The following DMGDH variants were observed in gnomAD, a reference collection of about 807,000 sequenced individuals.
DMGDH encodes the protein dimethylglycine dehydrogenase.
Under a neutral mutation model 95.2 loss-of-function variants are expected in DMGDH, and 76 were observed. The observed-to-expected ratio is 0.80, with a 90% CI of 0.66 to 0.97. The LOEUF is 0.97. Ranked by LOEUF, DMGDH falls within the 50% of genes least tolerant of loss-of-function variation. DMGDH has a pLI of 0.00. For synonymous variants in DMGDH, 345 were observed against 377.6 expected (o/e 0.91, Z 1.00); for missense variants, 987 against 1,055.0 (o/e 0.94, Z 0.89).
intron 9 of DMGDH, among the ~76,000 whole-genome samples, chr5:79,032,355 C>A (rs974957024): frequency 6.6e-6 from 1 of 152,172 alleles, no homozygotes; most frequent in Non-Finnish European, 1.5e-5. Flanking sequence ...CACTGAGCAC[C>A]CTAAAGTACA....
intron 2 of DMGDH, among the ~76,000 whole-genome samples, chr5:79,063,142 G>C (rs1477650835): frequency 6.6e-6 from 1 of 151,512 alleles, no homozygotes; most frequent in Non-Finnish European, 1.5e-5. Context: ...GTAAATAAAA[G>C]GACCACCAAA....
At chr5:79,062,400 A>G (rs1453142497) in intron 2 of DMGDH, among the ~76,000 whole-genome samples, 1 of 149,354 alleles carries the variant, frequency 6.7e-6, no homozygotes, top group Non-Finnish European at 1.5e-5. Flanking sequence ...TCTCCACCCT[A>G]TACTTTGAGC....
intron 2 of DMGDH, among the ~76,000 whole-genome samples, chr5:79,058,644 C>G (rs187241545): frequency 9.1e-4 from 139 of 152,172 alleles, no homozygotes; most frequent in African/African-American, 3.2e-3. Flanking sequence ...GTGATTGTAG[C>G]TGGTAGAGAA....
intron 11 of DMGDH, 84 bp downstream of exon 11, chr5:79,029,820 G>T: frequency 1.5e-6 from 2 of 1,359,454 alleles, no homozygotes; most frequent in South Asian, 1.3e-5. Flanking sequence ...TTGTACTTTC[G>T]AGTACTGGTA....
At chr5:79,001,461 C>A (rs1753454164) in intron 15 of DMGDH, among the ~76,000 whole-genome samples, 1 of 152,198 alleles carries the variant, frequency 6.6e-6, no homozygotes, top group African/African-American at 2.4e-5. Flanking sequence ...GCATGCCTGG[C>A]TTAATCATTG....
chr5:79,033,390 A>C lies in DMGDH; in HGVS notation c.1212T>G (p.Ala404=). The change falls in exon 8 of 16, where the codon GCT becomes GCG. Residue 404 remains alanine, a synonymous_variant. Coordinates refer to ENST00000255189, the MANE Select transcript of DMGDH (RefSeq NM_013391.3). The part of the protein sequence containing the change: ...AIGFGYGIIH[A]GGVGKYLSDW... ...CACTGAGATATTTCCCTACCCCACCAGCGTGGATTATGCCATATCTTTCAA... is the reference window on the plus strand; with the variant it reads ...CACTGAGATATTTCCCTACCCCACCCGCGTGGATTATGCCATATCTTTCAA... 1 of 1,614,168 alleles carries C rather than the reference A, an allele frequency of 6.2e-7. No individual in the cohort carries two copies. Among genetic ancestry groups the C allele is most frequent in the Non-Finnish European group, 8.5e-7 (1 of 1,180,032 alleles).
chr5:79,002,582 T>C (rs1580180404), intron 15 of DMGDH, among the ~76,000 whole-genome samples: 1 of 152,296 alleles, frequency 6.6e-6, no homozygotes, highest in East Asian at 1.9e-4. Flanking sequence ...TTCACTGCTG[T>C]ATTCCCAGTG....
chr5:79,060,207 C>G (rs567034201), intron 2 of DMGDH, among the ~76,000 whole-genome samples: 1 of 152,246 alleles, frequency 6.6e-6, no homozygotes, highest in East Asian at 1.9e-4. Flanking sequence ...CCTCCTACAC[C>G]CCAAATGGAT....
At chr5:79,021,709 G>A (rs761690923) in intron 14 of DMGDH, 3 of 1,293,106 alleles carry the variant, frequency 2.3e-6, no homozygotes, top group South Asian at 2.5e-5. Context: ...ATTAGTTACA[G>A]CAAAAACATG....
At chr5:79,026,709 A>G in intron 12 of DMGDH, 128 bp from the exon 13 acceptor site, 1 of 1,387,694 alleles carries the variant, frequency 7.2e-7, no homozygotes, top group Non-Finnish European at 1.0e-6. Flanking sequence ...CAGTCTCTAA[A>G]AAGACCAGCT....
At chr5:79,034,549 A>G (rs894085573) in intron 7 of DMGDH, among the ~76,000 whole-genome samples, 1 of 152,174 alleles carries the variant, frequency 6.6e-6, no homozygotes, top group Non-Finnish European at 1.5e-5. Flanking sequence ...GAACTGAATG[A>G]GCAGAGAGTC....
In DMGDH at chr5:79,007,938, A is replaced by G. The variant is rs577563421; in HGVS notation, c.2251-2531T>C. Among the ~76,000 whole-genome samples the G allele has an allele frequency of 8.5e-4, 129 of 152,346 alleles. 2 individuals carry two copies. The South Asian group carries it at 0.025, about 30-fold the overall frequency. ...ATTACTACATCTCCTCAATGTTTTAACAGAAAACAATGTTTTAACAGGAAA... is the reference window on the plus strand; with the variant it reads ...ATTACTACATCTCCTCAATGTTTTAGCAGAAAACAATGTTTTAACAGGAAA... On this transcript the variant is annotated intron_variant, in intron 14 of 15. Transcript: ENST00000255189.
In DMGDH at chr5:79,033,334, T is replaced by C. The variant is rs1317642416; in HGVS notation, c.1268A>G (p.Asp423Gly). Residue 423 changes from aspartate to glycine, a missense_variant, in exon 8 of 16, where the codon GAT becomes GGT. Asp to Gly is a moderately conservative substitution (Grantham distance 94, BLOSUM62 -1). Transcript: ENST00000255189. ...DWILHGEPPF[D>G]LIELDPNRYG... ...GCGATTAGGATCCAATTCTATCAGA[T>C]CAAAAGGAGGTTCTCCATGCAGGAT... The C allele has an allele frequency of 3.1e-6, 5 of 1,614,176 alleles. No individual in the cohort carries two copies. The highest frequency in any genetic ancestry group is 2.2e-5 in the East Asian group (1 of 44,882).
intron 14 of DMGDH, among the ~76,000 whole-genome samples, chr5:79,009,628 G>A (rs1753611737): frequency 6.6e-6 from 1 of 152,066 alleles, no homozygotes; most frequent in Admixed American, 6.6e-5. Context: ...CCAAAGTGCT[G>A]GGATTACAGG....
intron 5 of DMGDH, among the ~76,000 whole-genome samples, chr5:79,048,377 A>AT (rs1754740801): frequency 1.3e-5 from 2 of 152,048 alleles, no homozygotes; most frequent in Admixed American, 1.3e-4. Context: ...TTACTCTTAG[A>AT]CTTTTCTTTT....
intron 5 of DMGDH, among the ~76,000 whole-genome samples, chr5:79,048,510 G>C (rs1754744738): frequency 6.6e-6 from 1 of 152,086 alleles, no homozygotes; most frequent in African/African-American, 2.4e-5. Flanking sequence ...GCCTGAATTT[G>C]GGAGATACCC....
At chr5:79,018,920 G>A (rs1450646637) in intron 14 of DMGDH, among the ~76,000 whole-genome samples, 1 of 152,104 alleles carries the variant, frequency 6.6e-6, no homozygotes, top group East Asian at 1.9e-4. Context: ...CTACACTTCA[G>A]CTAGGTTTTA....
At chr5:79,002,363 A>G (rs1277052849) in intron 15 of DMGDH, among the ~76,000 whole-genome samples, 1 of 152,194 alleles carries the variant, frequency 6.6e-6, no homozygotes, top group African/African-American at 2.4e-5. Flanking sequence ...TCTCATGACC[A>G]TCTTTATGCC....
At chr5:79,024,042 T>G (rs1288690713) in intron 14 of DMGDH, among the ~76,000 whole-genome samples, 3 of 152,230 alleles carry the variant, frequency 2.0e-5, no homozygotes, top group East Asian at 3.8e-4. Flanking sequence ...ATTTAGCCCT[T>G]AAAGATGCTG....
Sources: gnomAD v4.1 joint callset for allele counts (sites outside exome capture counted in the v4.1 genomes callset) on GRCh38, gnomAD v4.1.1 for gene constraint, MANE v1.5 for transcripts, NCBI Gene and HGNC (gene_info 2026-07-23, HGNC 2026-07-21) for gene names.